Variants in NEK7 observed in about 807,000 individuals in gnomAD.
The protein encoded by NEK7 is NIMA related kinase 7, also known as serine/threonine-protein kinase Nek7.
A neutral mutation model predicts 44.6 loss-of-function variants in NEK7; 18 were observed. The observed-to-expected ratio is 0.40, with a 90% CI of 0.28 to 0.60. The LOEUF (loss-of-function observed/expected upper bound fraction) is 0.60, where lower values mean the gene tolerates loss of function less well. NEK7 is among the 20% of genes least tolerant of loss of function. NEK7 has a pLI of 0.38. For missense variants in NEK7, 256 were observed against 366.5 expected, an observed-to-expected ratio of 0.70 and a Z score of 2.46; for synonymous variants, 130 against 121.1, an observed-to-expected ratio of 1.07 and a Z score of -0.48.
intron 1 of NEK7, among the ~76,000 whole-genome samples, chr1:198,176,702 G>A (rs16842504): frequency 0.15 from 22,582 of 151,944 alleles, 1,852 homozygotes; most frequent in East Asian, 0.22. Context: ...GGGATAAACA[G>A]AGTGATGATG....
chr1:198,252,520 C>G (rs1018385553), intron 2 of NEK7, among the ~76,000 whole-genome samples: 2 of 82,372 alleles, frequency 2.4e-5, no homozygotes, highest in Non-Finnish European at 4.7e-5. Context: ...GCTTTCCTAT[C>G]TCACATACTA....
chr1:198,175,181 G>A (rs1282073082), intron 1 of NEK7, among the ~76,000 whole-genome samples: 1 of 151,420 alleles, frequency 6.6e-6, no homozygotes, highest in Non-Finnish European at 1.5e-5. Context: ...GAGTAGGTAT[G>A]CAAAAAATAT....
At chr1:198,198,282 A>G in intron 1 of NEK7, 1 of 486,198 alleles carries the variant, frequency 2.1e-6, no homozygotes, top group South Asian at 2.3e-5. Flanking sequence ...CCATGTGACC[A>G]CACACTAGGT....
At chr1:198,189,837 G>A (rs542717238) in intron 1 of NEK7, among the ~76,000 whole-genome samples, 3 of 152,102 alleles carry the variant, frequency 2.0e-5, no homozygotes, top group South Asian at 2.1e-4. Context: ...GCATTTAATC[G>A]CAAGAAGCTG....
chr1:198,261,404 T>C (rs1282646283), intron 3 of NEK7, among the ~76,000 whole-genome samples: 1 of 151,982 alleles, frequency 6.6e-6, no homozygotes. Context: ...TGGCCAATAC[T>C]ACCTGTCTTA....
At chr1:198,179,479 T>A (rs1319769938) in intron 1 of NEK7, among the ~76,000 whole-genome samples, 1 of 152,100 alleles carries the variant, frequency 6.6e-6, no homozygotes, top group African/African-American at 2.4e-5. Flanking sequence ...TTCATACAGA[T>A]TCTTGAACAG....
chr1:198,221,884 C>T (rs1394801090), intron 1 of NEK7, among the ~76,000 whole-genome samples: 1 of 150,218 alleles, frequency 6.7e-6, no homozygotes, highest in African/African-American at 2.5e-5. Context: ...ATTTAGGGAA[C>T]TGTGTTATAA....
intron 2 of NEK7, among the ~76,000 whole-genome samples, chr1:198,249,976 A>T (rs1263040886): frequency 1.4e-5 from 2 of 144,912 alleles, no homozygotes; most frequent in Admixed American, 7.0e-5. Context: ...CTGAATGGTA[A>T]CGCCTAGGTT....
intron 9 of NEK7, among the ~76,000 whole-genome samples, chr1:198,298,442 A>G (rs1654776755): frequency 6.6e-6 from 1 of 152,170 alleles, no homozygotes; most frequent in Non-Finnish European, 1.5e-5. Context: ...TTTTTTCTGC[A>G]TAGCATTTGT....
chr1:198,174,891 G>C (rs1044817453), intron 1 of NEK7, among the ~76,000 whole-genome samples: 1 of 151,942 alleles, frequency 6.6e-6, no homozygotes, highest in African/African-American at 2.4e-5. Flanking sequence ...CAAGTAGCTA[G>C]GACCACAGGT....
intron 7 of NEK7, among the ~76,000 whole-genome samples, chr1:198,281,777 C>A (rs72731927): frequency 3.3e-4 from 50 of 152,160 alleles, no homozygotes; most frequent in Non-Finnish European, 6.6e-4. Context: ...CAAGTCTTTG[C>A]ATTTTCAATT....
intron 1 of NEK7, among the ~76,000 whole-genome samples, chr1:198,180,264 T>C (rs72749500): frequency 0.047 from 7,020 of 150,298 alleles, 260 homozygotes; most frequent in Middle Eastern, 0.073. Context: ...CTTTGCATCA[T>C]AGAGAAAATT....
intron 1 of NEK7, among the ~76,000 whole-genome samples, chr1:198,229,508 T>G (rs1571552446): frequency 6.6e-6 from 1 of 152,018 alleles, no homozygotes; most frequent in African/African-American, 2.4e-5. Context: ...GGGGCGGTGG[T>G]CTTGTGGGAC....
At chr1:198,184,703 G>A (rs528039702) in intron 1 of NEK7, among the ~76,000 whole-genome samples, 4 of 152,074 alleles carry the variant, frequency 2.6e-5, no homozygotes, top group African/African-American at 9.7e-5. Context: ...GGATCTTGCT[G>A]TGTTGCCCAG....
chr1:198,167,165 A>T (rs866152124), intron 1 of NEK7, among the ~76,000 whole-genome samples: 1 of 152,250 alleles, frequency 6.6e-6, no homozygotes, highest in East Asian at 1.9e-4. Context: ...GCTTGTGGAT[A>T]TATCACTCCA....
chr1:198,298,699 T>C (rs556773609), intron 9 of NEK7, among the ~76,000 whole-genome samples: 26 of 152,350 alleles, frequency 1.7e-4, no homozygotes, highest in African/African-American at 6.3e-4. Flanking sequence ...TCATGCTGTC[T>C]TCTTTTTTCC....
chr1:198,197,252 A>G (rs530928952), intron 1 of NEK7, among the ~76,000 whole-genome samples: 6 of 152,182 alleles, frequency 3.9e-5, no homozygotes, highest in Non-Finnish European at 7.3e-5. Context: ...GACAGTTAAC[A>G]TTTCTAATAA....
rs1209126191 is a variant in NEK7 at position 198,252,569 on chromosome 1, AAAAG to A, written c.58-470_58-467del. The stretch of plus-strand genomic sequence containing the variant: ...ATATATATATATATATATATATATA[AAAAG>A]TACATATATACACATATATATGTAT... On this transcript the variant is annotated intron_variant, in intron 2 of 9. Transcript: ENST00000367385. 8.1e-3 allele frequency among the ~76,000 whole-genome samples: 171 copies of A among 21,068 alleles called. 7 individuals carry two copies. The highest frequency in any genetic ancestry group is 0.025 in the African/African-American group (114 of 4,510). The allele number at this position is 21,068 out of a possible 152,430, so 13.8% of individuals were successfully genotyped here.
intron 3 of NEK7, among the ~76,000 whole-genome samples, chr1:198,255,772 A>C (rs767669435): frequency 6.6e-6 from 1 of 152,172 alleles, no homozygotes; most frequent in Admixed American, 6.6e-5. Context: ...TAATTTCTTC[A>C]TAGAAGACAG....
Sources: gnomAD v4.1 joint callset for allele counts (sites outside exome capture counted in the v4.1 genomes callset) on GRCh38, gnomAD v4.1.1 for gene constraint, MANE v1.5 for transcripts, NCBI Gene and HGNC (gene_info 2026-07-23, HGNC 2026-07-21) for gene names.